The following SEZ6L variants were observed in gnomAD, a reference collection of about 807,000 sequenced individuals.
SEZ6L encodes seizure 6-like protein.
Under a neutral mutation model 106.2 loss-of-function variants are expected in SEZ6L, and 37 were observed. That is an observed-to-expected ratio of 0.35 (90% CI 0.27 to 0.46). The LOEUF is 0.46. SEZ6L is among the 20% of genes least tolerant of loss of function. The pLI, the probability that SEZ6L is intolerant of heterozygous loss-of-function variation, is 1.00. For synonymous variants in SEZ6L, 541 were observed against 570.4 expected, an observed-to-expected ratio of 0.95 and a Z score of 0.73; for missense variants, 1,172 against 1,332.8, an observed-to-expected ratio of 0.88 and a Z score of 1.88.
intron 3 of SEZ6L, 105 bp from the exon 4 acceptor site, chr22:26,296,783 C>A: frequency 1.0e-6 from 1 of 972,392 alleles, no homozygotes; most frequent in Non-Finnish European, 1.4e-6. Flanking sequence ...TGACCAGGGG[C>A]TAGCAGTACC....
intron 10 of SEZ6L, among the ~76,000 whole-genome samples, chr22:26,341,167 C>T (rs549243810): frequency 3.0e-4 from 46 of 152,300 alleles, no homozygotes; most frequent in Admixed American, 5.2e-4. Context: ...GCCTTCCTTT[C>T]GCACTTCTTG....
intron 9 of SEZ6L, among the ~76,000 whole-genome samples, chr22:26,332,589 G>A (rs1601525746): frequency 1.3e-5 from 2 of 152,186 alleles, no homozygotes; most frequent in South Asian, 4.1e-4. Flanking sequence ...TGGGACCACA[G>A]GCATGTGCCA....
rs115586104 is a variant in SEZ6L, at chr22:26,342,865, C to T, written c.2212+2233C>T. ...CTTGCACCTAAAAACAAGCTACCCC[C>T]TTGACCATGGGCTGTTTCAAGAAGC... On this transcript the variant is annotated intron_variant, in intron 10 of 16. Coordinates refer to ENST00000248933, the MANE Select transcript of SEZ6L (RefSeq NM_021115.5). Among the ~76,000 whole-genome samples the T allele has an allele frequency of 6.6e-3, 998 of 152,300 alleles. 11 individuals are homozygous for T. Among genetic ancestry groups the T allele is most frequent in the African/African-American group, 0.023 (957 of 41,572 alleles).
rs1445122905 is a variant in SEZ6L at position 26,227,117 on chromosome 22, G to A, written c.94+57354G>A. Among the ~76,000 whole-genome samples, 3 of 152,158 alleles carry A rather than the reference G, an allele frequency of 2.0e-5. 1 individual carries two copies. The South Asian group carries it at 6.2e-4, about 32-fold the overall frequency. On this transcript the variant is annotated intron_variant, in intron 1 of 16. Coordinates refer to ENST00000248933, the MANE Select transcript of SEZ6L (RefSeq NM_021115.5). The stretch of plus-strand genomic sequence containing the variant: ...TTTTTGTTCCCCACGCATCCCCAGC[G>A]CAGTGTCTGGCACATAGTAGTCTCT...
chr22:26,190,760 G>A (rs900743331), intron 1 of SEZ6L, among the ~76,000 whole-genome samples: 3 of 152,124 alleles, frequency 2.0e-5, no homozygotes, highest in Non-Finnish European at 4.4e-5. Context: ...GGAGATGTTC[G>A]CCAAGAGAAA....
At chr22:26,304,362 A>AAAGAAAG (rs1312171119) in intron 5 of SEZ6L, among the ~76,000 whole-genome samples, 3 of 127,816 alleles carry the variant, frequency 2.3e-5, no homozygotes, top group Admixed American at 8.2e-5. Context: ...AAAAAAAAAA[A>AAAGAAAG]AAGAAAGAAG....
At chr22:26,283,416 G>A (rs1167451734) in intron 1 of SEZ6L, among the ~76,000 whole-genome samples, 1 of 152,106 alleles carries the variant, frequency 6.6e-6, no homozygotes, top group African/African-American at 2.4e-5. Flanking sequence ...GTGACTATGT[G>A]TGTTCTAGTC....
Position 26,315,287 on chromosome 22 carries a change from C to A in SEZ6L, c.2015+1385C>A, listed in dbSNP as rs372682915. ...TTGAGACCAGGAGTTTGAGACCAGT[C>A]CCAACAACATAGAGGCATCCTGTCT... is the stretch of plus-strand genomic sequence containing the variant. On this transcript the variant is annotated intron_variant, in intron 9 of 16. Transcript: ENST00000248933. 2.1e-4 allele frequency among the ~76,000 whole-genome samples: 32 copies of A among 152,126 alleles called. No individual in the cohort carries two copies. In the East Asian group the frequency reaches 4.5e-3, roughly 21 times the overall value.
intron 1 of SEZ6L, among the ~76,000 whole-genome samples, chr22:26,274,208 A>G (rs2080464643): frequency 6.6e-6 from 1 of 152,236 alleles, no homozygotes; most frequent in Admixed American, 6.5e-5. Flanking sequence ...GGGTAATAAC[A>G]TTATCTACCT....
At chr22:26,241,549 T>A (rs926597214) in intron 1 of SEZ6L, 5 of 152,176 alleles carry the variant, frequency 3.3e-5, no homozygotes, top group Non-Finnish European at 7.3e-5. Context: ...TATTGTTGCT[T>A]CGTTCAATAC....
At chr22:26,290,402 C>A (rs1004067696) in intron 1 of SEZ6L, among the ~76,000 whole-genome samples, 4 of 152,116 alleles carry the variant, frequency 2.6e-5, no homozygotes, top group African/African-American at 9.7e-5. Flanking sequence ...CATGGTGGCA[C>A]GCACCTGTGG....
chr22:26,198,713 C>T (rs935303374), intron 1 of SEZ6L, among the ~76,000 whole-genome samples: 2 of 152,186 alleles, frequency 1.3e-5, no homozygotes, highest in African/African-American at 4.8e-5. Context: ...GCCAACAGGG[C>T]CTCGCTAGTT....
At chr22:26,324,634 A>C (rs570964536) in intron 9 of SEZ6L, among the ~76,000 whole-genome samples, 1 of 152,336 alleles carries the variant, frequency 6.6e-6, no homozygotes, top group Admixed American at 6.5e-5. Context: ...AAATCACAGG[A>C]GAAATGGCCA....
At chr22:26,307,860 T>C (rs2145916720) in intron 6 of SEZ6L, among the ~76,000 whole-genome samples, 1 of 152,268 alleles carries the variant, frequency 6.6e-6, no homozygotes, top group Non-Finnish European at 1.5e-5. Flanking sequence ...ATGAGTATTT[T>C]CTTATTTTCT....
intron 1 of SEZ6L, among the ~76,000 whole-genome samples, chr22:26,257,064 G>A (rs1442600899): frequency 1.3e-5 from 2 of 152,164 alleles, no homozygotes; most frequent in Admixed American, 6.5e-5. Flanking sequence ...AGATGTTTTT[G>A]ATGGTCACAA....
intron 12 of SEZ6L, among the ~76,000 whole-genome samples, chr22:26,363,754 G>A (rs35728210): frequency 0.015 from 2,337 of 152,318 alleles, 29 homozygotes; most frequent in Non-Finnish European, 0.026. Context: ...GCCAAAAGGG[G>A]AAGCGACACA....
intron 13 of SEZ6L, among the ~76,000 whole-genome samples, chr22:26,372,806 C>T (rs2084083413): frequency 6.6e-6 from 1 of 152,118 alleles, no homozygotes. Context: ...ACATGGGATA[C>T]AAAGCCTCAT....
At chr22:26,318,569 A>G (rs641166) in intron 9 of SEZ6L, among the ~76,000 whole-genome samples, 28,334 of 152,152 alleles carry the variant, frequency 0.19, 3,232 homozygotes, top group Non-Finnish European at 0.26. Flanking sequence ...GTCTTTACTA[A>G]CATTAATTTT....
intron 9 of SEZ6L, among the ~76,000 whole-genome samples, chr22:26,331,085 A>G (rs2082465604): frequency 6.6e-6 from 1 of 152,196 alleles, no homozygotes; most frequent in East Asian, 1.9e-4. Context: ...ATAGTTACCA[A>G]CCTCACCTAC....
Sources: gnomAD v4.1 joint callset for allele counts (sites outside exome capture counted in the v4.1 genomes callset) on GRCh38, gnomAD v4.1.1 for gene constraint, MANE v1.5 for transcripts, NCBI Gene and HGNC (gene_info 2026-07-23, HGNC 2026-07-21) for gene names.